Variants in RAE1 observed in about 807,000 individuals in gnomAD.
The protein encoded by RAE1 is mRNA export factor RAE1.
A neutral mutation model predicts 52.7 loss-of-function variants in RAE1; 13 were observed. That is an observed-to-expected ratio of 0.25 (90% CI 0.16 to 0.39). The LOEUF is 0.39. RAE1 is among the 10% of genes least tolerant of loss of function. RAE1 has a pLI of 1.00. For missense variants in RAE1, 262 were observed against 459.8 expected (o/e 0.57, Z 3.93); for synonymous variants, 164 against 153.1 (o/e 1.07, Z -0.52).
intron 4 of RAE1, chr20:57,357,493 G>A (rs1017991627): frequency 1.3e-5 from 2 of 152,196 alleles, no homozygotes; most frequent in African/African-American, 4.8e-5. Context: ...AAATGCTAAT[G>A]TAAGTGGTAG....
At position 57,365,573 on chromosome 20, in the gene RAE1, T is replaced by C. The variant is rs573275951; in HGVS notation, c.375+131T>C. 200 of 590,296 alleles carry C rather than the reference T, an allele frequency of 3.4e-4. 2 individuals are homozygous for C. In the South Asian group the frequency reaches 6.7e-3, roughly 20 times the overall value. The allele number at this position is 590,296 out of a possible 1,614,324, so 36.6% of individuals were successfully genotyped here. On this transcript the variant is annotated intron_variant, in intron 5 of 11. Transcript: ENST00000395841. The stretch of plus-strand genomic sequence containing the variant: ...AGACTCTGTCAAATCAATTAGACAA[T>C]ATAACAGAAACCTCTTTAGCACAAA...
chr20:57,359,194 C>G (rs553066929), intron 4 of RAE1: 1 of 435,930 alleles, frequency 2.3e-6, no homozygotes, highest in African/African-American at 2.0e-5. Flanking sequence ...GTAAGATTTG[C>G]TGAGTTCCTT....
At chr20:57,370,520 ACTCGTAC>A (rs2067021045) in intron 8 of RAE1, among the ~76,000 whole-genome samples, 1 of 151,686 alleles carries the variant, frequency 6.6e-6, no homozygotes, top group Non-Finnish European at 1.5e-5. Flanking sequence ...TGGACTGGAG[ACTCGTAC>A]CTCATTCCTG....
At chr20:57,354,890 T>C in intron 3 of RAE1, 74 bp downstream of exon 3, 1 of 1,152,748 alleles carries the variant, frequency 8.7e-7, no homozygotes, top group Non-Finnish European at 1.2e-6. Flanking sequence ...AGCTCCGTTG[T>C]TTCCCAAGTA....
At chr20:57,352,762 C>G (rs1177329975) in intron 1 of RAE1, among the ~76,000 whole-genome samples, 1 of 151,610 alleles carries the variant, frequency 6.6e-6, no homozygotes, top group South Asian at 2.1e-4. Context: ...ATATTAGTGT[C>G]TCTGTTTTAC....
rs756805096 is a variant in RAE1 at position 57,368,857 on chromosome 20, G to C, written c.642+45G>C. 2.7e-6 allele frequency: 4 copies of C among 1,466,066 alleles called. No homozygotes were observed. In the East Asian group the frequency reaches 9.2e-5, roughly 34 times the overall value. 90.8% of individuals were successfully genotyped at this position (1,466,066 alleles called of 1,614,324 possible). A position where few individuals can be genotyped will look rare whatever the true frequency, so the allele number is the denominator to read the frequency against. On this transcript the variant is annotated intron_variant, in intron 8 of 11. Coordinates refer to ENST00000395841, the MANE Select transcript of RAE1 (RefSeq NM_003610.4). Reference sequence around the variant, plus strand: ...AAGAAGTATGTATTTAGCACCTGTTGTATGCAAGATTGTGCTCACATCTGG... The same window carrying C: ...AAGAAGTATGTATTTAGCACCTGTTCTATGCAAGATTGTGCTCACATCTGG...
In RAE1 at chr20:57,378,269, T is replaced by TG; in HGVS notation, c.*171dup. ...GAGAGCCCAGGCGTCCGCGGCGACTTGCCGTCTCTCCATTCCACTGCCTGT... is the reference window on the plus strand; with the variant it reads ...GAGAGCCCAGGCGTCCGCGGCGACTTGGCCGTCTCTCCATTCCACTGCCTGT... On this transcript the variant is annotated 3_prime_UTR_variant, in exon 12 of 12. Coordinates refer to ENST00000395841, the MANE Select transcript of RAE1 (RefSeq NM_003610.4). The TG allele has an allele frequency of 1.7e-6, 1 of 573,946 alleles. No homozygotes were observed. 35.6% of individuals were successfully genotyped at this position (573,946 alleles called of 1,614,324 possible).
intron 4 of RAE1, among the ~76,000 whole-genome samples, 172 bp downstream of exon 4, chr20:57,356,710 C>T (rs911255282): frequency 4.6e-5 from 7 of 152,164 alleles, no homozygotes; most frequent in Non-Finnish European, 1.0e-4. Flanking sequence ...TTTAGTTAGC[C>T]ACTTTCTTTG....
At chr20:57,375,255 C>T in intron 11 of RAE1, 1 of 594,476 alleles carries the variant, frequency 1.7e-6, no homozygotes, top group Non-Finnish European at 3.0e-6. Context: ...GGGTACTCTG[C>T]CCAACCCCAT....
chr20:57,358,769 C>A, intron 4 of RAE1: 1 of 395,356 alleles, frequency 2.5e-6, no homozygotes, highest in South Asian at 8.7e-5. Context: ...CTCCGTTTAT[C>A]AAATTATTGG....
intron 4 of RAE1, among the ~76,000 whole-genome samples, chr20:57,360,580 G>T (rs2066877546): frequency 6.6e-6 from 1 of 152,114 alleles, no homozygotes; most frequent in Non-Finnish European, 1.5e-5. Context: ...AGCATAGAGG[G>T]GTATCTAATC....
rs1400798078 is a variant in RAE1 at position 57,373,776 on chromosome 20, G to A, written c.825+38G>A. 3 of 1,582,186 alleles carry A rather than the reference G, an allele frequency of 1.9e-6. No homozygotes were observed. The East Asian group carries it at 6.7e-5, about 35-fold the overall frequency. Reference sequence around the variant, plus strand: ...ACACTTTAACCGTGGTAATACATCTGGAAACCAGACTTGGAGGTGGCTGAG... The same window carrying A: ...ACACTTTAACCGTGGTAATACATCTAGAAACCAGACTTGGAGGTGGCTGAG... On this transcript the variant is annotated intron_variant, in intron 10 of 11. Coordinates refer to ENST00000395841, the MANE Select transcript of RAE1 (RefSeq NM_003610.4).
intron 1 of RAE1, 147 bp from the exon 2 acceptor site, chr20:57,353,885 A>C (rs992755238): frequency 3.2e-6 from 2 of 630,038 alleles, no homozygotes; most frequent in Non-Finnish European, 5.5e-6. Flanking sequence ...TTTTGAAAGC[A>C]CTCTGCTCAT....
In RAE1 at chr20:57,354,731, C is replaced by G. The variant is rs1226078714; in HGVS notation, c.110C>G (p.Ser37Cys). The G allele has an allele frequency of 1.3e-5, 21 of 1,591,888 alleles. No individual in the cohort carries two copies. Among genetic ancestry groups the G allele is most frequent in the Non-Finnish European group, 1.8e-5 (21 of 1,172,196 alleles). ...CCGCAGGATATTGAAGTAACATCAT[C>G]TCCTGATGATAGCATTGGTTGTCTG... is the stretch of plus-strand genomic sequence containing the variant. ...NPMKDIEVTS[S>C]PDDSIGCLSF... Residue 37 changes from serine to cysteine, a missense_variant, in exon 3 of 12, where the codon TCT becomes TGT. Coordinates refer to ENST00000395841, the MANE Select transcript of RAE1 (RefSeq NM_003610.4).
intron 4 of RAE1, among the ~76,000 whole-genome samples, chr20:57,364,239 T>TA (rs1765699263): frequency 6.6e-6 from 1 of 152,226 alleles, no homozygotes; most frequent in Non-Finnish European, 1.5e-5. Context: ...CATTCACACA[T>TA]ACTCTTTCTC....
intron 7 of RAE1, 25 bp from the exon 8 acceptor site, chr20:57,368,680 A>G (rs374704686): frequency 6.5e-7 from 1 of 1,530,090 alleles, no homozygotes; most frequent in African/African-American, 1.4e-5. Context: ...CCTGAAGCGC[A>G]TCTCTGTTTT....
chr20:57,373,769 T>C, intron 10 of RAE1, 31 bp downstream of exon 10: 1 of 1,595,046 alleles, frequency 6.3e-7, no homozygotes, highest in Non-Finnish European at 8.6e-7. Context: ...ACCGTGGTAA[T>C]ACATCTGGAA....
At chr20:57,377,302 C>T (rs1031713328) in intron 11 of RAE1, among the ~76,000 whole-genome samples, 68 of 152,158 alleles carry the variant, frequency 4.5e-4, no homozygotes, top group African/African-American at 1.5e-3. Context: ...GTCTTTCTTC[C>T]GGATCATCTG....
At chr20:57,374,558 C>T in intron 10 of RAE1, 49 bp from the exon 11 acceptor site, 1 of 1,540,296 alleles carries the variant, frequency 6.5e-7, no homozygotes, top group Non-Finnish European at 8.8e-7. Context: ...GTGGAACCTT[C>T]TCTGCGCCCC....
Sources: allele counts gnomAD v4.1 joint callset (sites outside exome capture counted in the v4.1 genomes callset), GRCh38; gene constraint gnomAD v4.1.1; transcripts MANE v1.5; gene names NCBI Gene and HGNC (gene_info 2026-07-23, HGNC 2026-07-21).